Variants in KIF5C observed in about 807,000 individuals in gnomAD.
The protein encoded by KIF5C is kinesin heavy chain isoform 5C.
KIF5C carries 18 observed loss-of-function variants against 125.2 expected under a neutral mutation model. That is an observed-to-expected ratio of 0.14 (90% CI 0.10 to 0.21). KIF5C has a LOEUF of 0.21. KIF5C is among the 10% of genes least tolerant of loss of function. The probability of loss-of-function intolerance (pLI) is 1.00; values close to 1 mark genes in which losing one functional copy is unlikely to be tolerated. For missense variants in KIF5C, 780 were observed against 1,183.8 expected, an observed-to-expected ratio of 0.66 and a Z score of 5.01; for synonymous variants, 405 against 434.0, an observed-to-expected ratio of 0.93 and a Z score of 0.83.
intron 1 of KIF5C, among the ~76,000 whole-genome samples, chr2:148,917,724 G>A (rs917217601): frequency 2.0e-5 from 3 of 152,208 alleles, no homozygotes; most frequent in Non-Finnish European, 4.4e-5. Flanking sequence ...ACTCCTCAGT[G>A]TCAGAAGGTA....
chr2:148,978,919 C>A lies in KIF5C; in HGVS notation c.1294-3C>A. The A allele has an allele frequency of 6.3e-7, 1 of 1,592,328 alleles. No homozygotes were observed. The highest frequency in any genetic ancestry group is 8.5e-7 in the Non-Finnish European group (1 of 1,170,126). ...AAAAAACAAACATGATGTTTCGTTT[C>A]AGGATGATGAAATTAACCAGCAGAG... On this transcript the variant is annotated splice_region_variant and splice_polypyrimidine_tract_variant and intron_variant, in intron 12 of 25. Coordinates refer to ENST00000435030, the MANE Select transcript of KIF5C (RefSeq NM_004522.3).
chr2:149,013,451 A>G (rs1262060497), intron 25 of KIF5C, among the ~76,000 whole-genome samples: 2 of 152,172 alleles, frequency 1.3e-5, no homozygotes, highest in African/African-American at 2.4e-5. Context: ...ACTGAGCCAC[A>G]TGGCCACATC....
At chr2:148,964,152 G>A (rs1302420687) in intron 11 of KIF5C, among the ~76,000 whole-genome samples, 1 of 152,014 alleles carries the variant, frequency 6.6e-6, no homozygotes, top group Non-Finnish European at 1.5e-5. Flanking sequence ...GCGCATGCCT[G>A]TAATCCCAGC....
chr2:148,933,404 A>G (rs1370921876), intron 3 of KIF5C, among the ~76,000 whole-genome samples: 2 of 150,896 alleles, frequency 1.3e-5, no homozygotes, highest in African/African-American at 4.9e-5. Context: ...TCTAAGGAGC[A>G]CCTCACTCTC....
intron 1 of KIF5C, among the ~76,000 whole-genome samples, chr2:148,889,698 G>C (rs553502118): frequency 6.6e-6 from 1 of 152,270 alleles, no homozygotes; most frequent in African/African-American, 2.4e-5. Flanking sequence ...TCCTTCTTCT[G>C]GGAGGTGTGG....
intron 10 of KIF5C, among the ~76,000 whole-genome samples, chr2:148,955,615 A>G (rs1370759237): frequency 6.6e-6 from 1 of 151,962 alleles, no homozygotes; most frequent in Non-Finnish European, 1.5e-5. Context: ...TATATATAGT[A>G]GGATTTTATA....
At chr2:148,914,320 A>T (rs915216260) in intron 1 of KIF5C, among the ~76,000 whole-genome samples, 1 of 152,220 alleles carries the variant, frequency 6.6e-6, no homozygotes, top group African/African-American at 2.4e-5. Context: ...TACACATAAG[A>T]ACCTTATTTT....
intron 15 of KIF5C, among the ~76,000 whole-genome samples, chr2:148,987,809 T>C (rs1190643617): frequency 6.6e-6 from 1 of 152,212 alleles, no homozygotes; most frequent in Non-Finnish European, 1.5e-5. Flanking sequence ...CTGCCTTATT[T>C]TCTTTTGGCC....
chr2:148,966,423 C>T (rs1490517607), intron 11 of KIF5C, among the ~76,000 whole-genome samples: 3 of 151,580 alleles, frequency 2.0e-5, no homozygotes, highest in Non-Finnish European at 4.4e-5. Context: ...AGTAACAATA[C>T]AAAGGAGTAG....
intron 25 of KIF5C, among the ~76,000 whole-genome samples, chr2:149,012,233 C>T (rs527592479): frequency 5.9e-5 from 9 of 152,296 alleles, no homozygotes; most frequent in Non-Finnish European, 1.0e-4. Flanking sequence ...AACCCATGTG[C>T]ACGACATTTC....
At chr2:148,957,650 T>C (rs1233679896) in intron 10 of KIF5C, among the ~76,000 whole-genome samples, 1 of 151,444 alleles carries the variant, frequency 6.6e-6, no homozygotes, top group Admixed American at 6.6e-5. Flanking sequence ...ATTCAGTATC[T>C]CTCTTAGTAA....
intron 23 of KIF5C, among the ~76,000 whole-genome samples, chr2:149,009,125 G>C (rs1214419861): frequency 6.6e-6 from 1 of 151,476 alleles, no homozygotes; most frequent in Non-Finnish European, 1.5e-5. Context: ...GAGTAGCTGG[G>C]ATTACAGGTG....
intron 2 of KIF5C, among the ~76,000 whole-genome samples, chr2:148,925,130 G>A (rs1376991681): frequency 3.9e-5 from 6 of 152,330 alleles, no homozygotes; most frequent in Middle Eastern, 3.4e-3. Flanking sequence ...TTCTCTGAAA[G>A]GTTGGGTCCT....
At chr2:148,925,649 C>T (rs913563955) in intron 2 of KIF5C, among the ~76,000 whole-genome samples, 1 of 152,164 alleles carries the variant, frequency 6.6e-6, no homozygotes, top group South Asian at 2.1e-4. Flanking sequence ...CTCCCCTGCC[C>T]CCCTTTCCTG....
intron 5 of KIF5C, 43 bp from the exon 6 acceptor site, chr2:148,941,892 C>T: frequency 6.3e-7 from 1 of 1,596,756 alleles, no homozygotes; most frequent in Non-Finnish European, 8.5e-7. Context: ...GAGTCTTTAA[C>T]TTTTATTTTC....
At chr2:148,905,007 A>C (rs1030379548) in intron 1 of KIF5C, among the ~76,000 whole-genome samples, 9 of 152,234 alleles carry the variant, frequency 5.9e-5, no homozygotes, top group African/African-American at 2.2e-4. Context: ...AAAAGGAAAG[A>C]ACAGGTCCTA....
chr2:148,890,098 A>G (rs1558873839), intron 1 of KIF5C, among the ~76,000 whole-genome samples: 1 of 152,298 alleles, frequency 6.6e-6, no homozygotes, highest in East Asian at 1.9e-4. Context: ...AGTACCATTT[A>G]CTTAAGAAAC....
In KIF5C at chr2:148,998,473, T is replaced by C. The variant is rs1156299673; in HGVS notation, c.2174T>C (p.Ile725Thr). 9.6e-6 allele frequency: 15 copies of C among 1,561,654 alleles called. No individual in the cohort carries two copies. The highest frequency in any genetic ancestry group is 4.8e-5 in the East Asian group (2 of 41,924). Residue 725 changes from isoleucine (I) to threonine (T), a missense_variant, in exon 19 of 26, where the codon ATT (isoleucine) becomes ACT (threonine). Ile to Thr is a moderately conservative substitution (Grantham distance 89). Around this residue, in one of 2 missense-constraint regions of KIF5C, gnomAD observed 573 missense variants for 742.6 expected, o/e 0.77. Coordinates refer to ENST00000435030, the MANE Select transcript of KIF5C (RefSeq NM_004522.3). The part of the protein sequence containing the change: ...QKQLSRLRDE[I>T]EEKQKIIDEI... The stretch of plus-strand genomic sequence containing the variant: ...CAGCTGTCCAGACTCCGAGACGAAA[T>C]TGAGGAGAAGCAGAAAATCATTGAT...
intron 1 of KIF5C, among the ~76,000 whole-genome samples, chr2:148,915,680 T>C (rs532417590): frequency 6.6e-6 from 1 of 152,370 alleles, no homozygotes; most frequent in Admixed American, 6.5e-5. Context: ...TCTTGAATTT[T>C]GCCTTACTTG....
Sources: gnomAD v4.1 joint callset for allele counts (sites outside exome capture counted in the v4.1 genomes callset) on GRCh38, gnomAD v4.1.1 for gene constraint, gnomAD v4.1.1 regional missense constraint, MANE v1.5 for transcripts, NCBI Gene and HGNC (gene_info 2026-07-23, HGNC 2026-07-21) for gene names.